COL5A1: variants seen among roughly 807,000 people sequenced by gnomAD.
The protein encoded by COL5A1 is collagen type V alpha 1 chain.
COL5A1 carries 16 observed loss-of-function variants against 263.7 expected under a neutral mutation model. The observed-to-expected ratio is 0.06, with a 90% CI of 0.04 to 0.09. The LOEUF (loss-of-function observed/expected upper bound fraction) is 0.09. Among genes scored for constraint, COL5A1 ranks in the 10% least tolerant of loss-of-function variants. The pLI is 1.00. For synonymous variants in COL5A1, 1,012 were observed against 1,004.5 expected, an observed-to-expected ratio of 1.01 and a Z score of -0.14; for missense variants, 2,036 against 2,540.5, an observed-to-expected ratio of 0.80 and a Z score of 4.27.
chr9:134,727,538 TG>T, intron 5 of COL5A1, 141 bp downstream of exon 5: 1 of 900,596 alleles, frequency 1.1e-6, no homozygotes, highest in Non-Finnish European at 1.8e-6. Context: ...AGGTAAACAT[TG>T]GGATATCTGA....
chr9:134,833,633 C>T (rs1013686955), intron 64 of COL5A1, among the ~76,000 whole-genome samples: 1 of 152,132 alleles, frequency 6.6e-6, no homozygotes, highest in Non-Finnish European at 1.5e-5. Context: ...CCAGGAGGAT[C>T]CCCGGTCACC....
intron 2 of COL5A1, among the ~76,000 whole-genome samples, chr9:134,697,104 C>T (rs1231753945): frequency 2.0e-5 from 3 of 151,800 alleles, no homozygotes; most frequent in East Asian, 1.9e-4. Context: ...TGAGGGAGTC[C>T]GGAGCCCACC....
chr9:134,748,087 GCACAGACATGCATCCACACATGCATA>G (rs201171837), intron 11 of COL5A1, among the ~76,000 whole-genome samples: 40,058 of 142,954 alleles, frequency 0.28, 5,662 homozygotes, highest in Middle Eastern at 0.36. Flanking sequence ...AAACATGCAT[GCACAGACATGCATCCACACATGCATA>G]CACAGACATG....
At chr9:134,710,345 C>T (rs554905775) in intron 4 of COL5A1, among the ~76,000 whole-genome samples, 4 of 152,360 alleles carry the variant, frequency 2.6e-5, no homozygotes, top group African/African-American at 4.8e-5. Context: ...CCGTCAGTGC[C>T]GTTAACCCTG....
chr9:134,762,937 C>A (rs1221700447), intron 19 of COL5A1, among the ~76,000 whole-genome samples: 1 of 151,794 alleles, frequency 6.6e-6, no homozygotes, highest in Non-Finnish European at 1.5e-5. Flanking sequence ...AGGGAGTGCA[C>A]GTATCTGTGT....
At chr9:134,707,042 G>A (rs1394103522) in intron 4 of COL5A1, among the ~76,000 whole-genome samples, 1 of 152,206 alleles carries the variant, frequency 6.6e-6, no homozygotes, top group African/African-American at 2.4e-5. Context: ...CTGGCCCAGT[G>A]AGCCACGTCA....
At chr9:134,707,892 A>T (rs552649325) in intron 4 of COL5A1, among the ~76,000 whole-genome samples, 16 of 152,260 alleles carry the variant, frequency 1.1e-4, no homozygotes, top group Admixed American at 5.9e-4. Flanking sequence ...ACTTCCCGGC[A>T]CACAGGCGGG....
At chr9:134,695,471 C>A (rs372391774) in intron 2 of COL5A1, among the ~76,000 whole-genome samples, 5 of 152,322 alleles carry the variant, frequency 3.3e-5, no homozygotes, top group African/African-American at 9.6e-5. Context: ...CAGGGACGGC[C>A]GAACAGGGTG....
chr9:134,830,376 C>T, intron 64 of COL5A1: 1 of 623,408 alleles, frequency 1.6e-6, no homozygotes, highest in Non-Finnish European at 2.8e-6. Context: ...TGTGTTTCTG[C>T]CTGGAGTAGG....
rs1236473660 is a variant in COL5A1 at position 134,696,355 on chromosome 9, T to A, written c.278-3554T>A. Among the ~76,000 whole-genome samples, 1 of 152,048 alleles carries A rather than the reference T, an allele frequency of 6.6e-6. No individual in the cohort carries two copies. The highest frequency in any genetic ancestry group is 2.4e-5 in the African/African-American group (1 of 41,420). On this transcript the variant is annotated intron_variant, in intron 2 of 65. Coordinates refer to ENST00000371817, the MANE Select transcript of COL5A1 (RefSeq NM_000093.5). This position sits in a 1 kb window ranked among gnomAD's most constrained non-coding sequence, Gnocchi z 4.3. ...CACCCGGCTAATTTTTTTTATATTT[T>A]TGGCAGAGACAGGGATTCACCATGT...
intron 65 of COL5A1, among the ~76,000 whole-genome samples, chr9:134,837,766 C>T (rs1839896477): frequency 6.6e-6 from 1 of 152,054 alleles, no homozygotes; most frequent in Admixed American, 6.6e-5. Flanking sequence ...TCGGGTGTGC[C>T]AAACGCCTCC....
rs544712635 is a variant in COL5A1, at chr9:134,696,846, G to A, written c.278-3063G>A. On this transcript the variant is annotated intron_variant, in intron 2 of 65. Transcript: ENST00000371817. This position sits in a 1 kb window ranked among gnomAD's most constrained non-coding sequence, Gnocchi z 4.3. ...AGCACTTTGGGAGGCCAAGGCAGGC[G>A]GATCACGAGGTCAGGAGATCGAGAC... Among the ~76,000 whole-genome samples, 557 of 152,192 alleles carry A rather than the reference G, an allele frequency of 3.7e-3. 2 individuals carry two copies. The highest frequency in any genetic ancestry group is 5.4e-3 in the Admixed American group (82 of 15,298).
Position 134,818,726 on chromosome 9 carries a change from C to G in COL5A1, c.4301C>G (p.Pro1434Arg). 1 of 1,611,566 alleles carries G rather than the reference C, an allele frequency of 6.2e-7. No individual in the cohort carries two copies. Among genetic ancestry groups the G allele is most frequent in the Non-Finnish European group, 8.5e-7 (1 of 1,179,322 alleles). The part of the protein sequence containing the change: ...PIGPQGAPGK[P>R]GPDGLRGIPG... ...GGCCCCCAGGGGGCCCCTGGGAAGC[C>G]CGGACCGGATGGCCTTCGAGGGATC... The change falls in exon 55 of 66, where the codon CCC becomes CGC. Residue 1434 changes from proline to arginine, a missense_variant. This residue lies in a region of COL5A1 where 1,078 missense variants were observed against 1,521.4 expected (regional missense o/e 0.71). Coordinates refer to ENST00000371817, the MANE Select transcript of COL5A1 (RefSeq NM_000093.5). This position sits in a 1 kb window ranked among gnomAD's most constrained non-coding sequence, Gnocchi z 6.0.
At chr9:134,730,555 T>G (rs781462167) in intron 7 of COL5A1, 80 bp downstream of exon 7, 144 of 1,590,174 alleles carry the variant, frequency 9.1e-5, no homozygotes, top group Non-Finnish European at 1.1e-4. Context: ...CTGAGCTCCC[T>G]TCTTACTCCA....
At chr9:134,664,503 G>A (rs148083015) in intron 1 of COL5A1, among the ~76,000 whole-genome samples, 99 of 152,320 alleles carry the variant, frequency 6.5e-4, no homozygotes, top group Non-Finnish European at 1.0e-3. Flanking sequence ...GAAAAGTCCA[G>A]CAAACAAACA....
intron 1 of COL5A1, among the ~76,000 whole-genome samples, chr9:134,688,897 C>A (rs149370803): frequency 2.6e-5 from 4 of 152,278 alleles, no homozygotes; most frequent in Non-Finnish European, 4.4e-5. Context: ...ATGAGAAATG[C>A]GGCTTCGATT....
rs1833258579 is a variant in COL5A1, at chr9:134,690,998, C to T, written c.196C>T (p.Arg66Ter). The T allele has an allele frequency of 6.2e-7, 1 of 1,613,856 alleles. No individual in the cohort carries two copies. The highest frequency in any genetic ancestry group is 1.3e-5 in the African/African-American group (1 of 75,086). ...GACAACAGGCTTTTGCGCCACGCGG[C>T]GATCTTCCAAAGGCCCGGATGTCGC... Reference protein sequence around the residue: ...TKTTGFCATRRSSKGPDVAYR... With the variant: ...TKTTGFCATR Residue 66 changes from arginine to a stop codon, truncating the protein, a stop_gained, in exon 2 of 66, where the codon CGA becomes TGA. Transcript: ENST00000371817. LOFTEE classifies it high-confidence loss of function.
At chr9:134,654,738 G>C (rs951981866) in intron 1 of COL5A1, among the ~76,000 whole-genome samples, 12 of 135,280 alleles carry the variant, frequency 8.9e-5, no homozygotes, top group East Asian at 2.4e-4. Context: ...TAGGGCTGGG[G>C]TGTGTGTAGG....
chr9:134,708,665 C>T (rs1219561640), intron 4 of COL5A1: 1 of 518,670 alleles, frequency 1.9e-6, no homozygotes, highest in South Asian at 1.4e-5. Context: ...GTCGTGTCTT[C>T]AGCTCTGCCT....
Sources: allele counts gnomAD v4.1 joint callset (sites outside exome capture counted in the v4.1 genomes callset), GRCh38; gene constraint gnomAD v4.1.1; regional missense constraint gnomAD v4.1.1; non-coding constraint Gnocchi (gnomAD v3.1); transcripts MANE v1.5; gene names NCBI Gene and HGNC (gene_info 2026-07-23, HGNC 2026-07-21).